The following SCARA3 variants were observed in gnomAD, a reference collection of about 807,000 sequenced individuals.
The protein encoded by SCARA3 is scavenger receptor class A member 3.
SCARA3 carries 39 observed loss-of-function variants against 47.0 expected under a neutral mutation model. The observed-to-expected ratio is 0.83, with a 90% confidence interval of 0.64 to 1.08. The LOEUF is 1.08. Ranked by LOEUF, SCARA3 falls within the 50% of genes least tolerant of loss-of-function variation. SCARA3 has a pLI of 0.00. For synonymous variants in SCARA3, 356 were observed against 334.1 expected, an observed-to-expected ratio of 1.07 and a Z score of -0.71; for missense variants, 724 against 792.3, an observed-to-expected ratio of 0.91 and a Z score of 1.04.
the SCARA3 span, among the ~76,000 whole-genome samples, chr8:27,714,767 G>C: frequency 1.3e-5 from 2 of 151,940 alleles, no homozygotes; most frequent in African/African-American, 2.4e-5. Context: ...CCAATGCTTG[G>C]AGCCAAGAAA....
Position 27,639,082 on chromosome 8 carries a change from A to G in SCARA3, c.7+4875A>G, listed in dbSNP as rs907169633. 2.6e-5 allele frequency among the ~76,000 whole-genome samples: 4 copies of G among 152,278 alleles called. No homozygotes were observed. The East Asian group carries it at 7.7e-4, about 29-fold the overall frequency. ...TCAGTGTCTCCAGGTGGAGACCTGC[A>G]GGCACCTTCTTCATGGTTCAGATGA... On this transcript the variant is annotated intron_variant, in intron 1 of 5. Transcript: ENST00000301904.
At chr8:27,650,959 A>G (rs1438794032) in intron 2 of SCARA3, among the ~76,000 whole-genome samples, 1 of 152,152 alleles carries the variant, frequency 6.6e-6, no homozygotes, top group Non-Finnish European at 1.5e-5. Flanking sequence ...TCCTGGGCTC[A>G]AGTGATCCCC....
At chr8:27,666,791 C>G (rs921289581) in intron 5 of SCARA3, among the ~76,000 whole-genome samples, 2 of 152,122 alleles carry the variant, frequency 1.3e-5, no homozygotes, top group African/African-American at 4.8e-5. Flanking sequence ...TGCTGATGCC[C>G]GAGACACTGG....
the SCARA3 span, among the ~76,000 whole-genome samples, chr8:27,683,563 G>A: frequency 6.6e-6 from 1 of 152,088 alleles, no homozygotes; most frequent in African/African-American, 2.4e-5. Context: ...AGTATGAAAT[G>A]GTAGAACCTC....
At chr8:27,680,082 C>A (rs1473775040), downstream of SCARA3, 5 of 151,658 alleles carry the variant, frequency 3.3e-5, no homozygotes, top group African/African-American at 1.2e-4. Flanking sequence ...GCAGATAAAG[C>A]AATGCTTAGG....
chr8:27,655,118 G>A (rs542001615), intron 3 of SCARA3, among the ~76,000 whole-genome samples: 30 of 152,308 alleles, frequency 2.0e-4, no homozygotes, highest in Admixed American at 1.2e-3. Flanking sequence ...ATATTAACTG[G>A]AGCCTGGAGA....
intron 5 of SCARA3, among the ~76,000 whole-genome samples, chr8:27,664,947 T>C (rs775935355): frequency 5.9e-5 from 9 of 152,230 alleles, no homozygotes; most frequent in Non-Finnish European, 1.2e-4. Context: ...TCTCTCACAA[T>C]TGAAAGCAAA....
the SCARA3 span, among the ~76,000 whole-genome samples, chr8:27,695,063 G>A: frequency 6.6e-6 from 1 of 152,154 alleles, no homozygotes; most frequent in East Asian, 1.9e-4. Flanking sequence ...AAATATAAGA[G>A]ATAAAGAAGC....
intron 1 of SCARA3, among the ~76,000 whole-genome samples, chr8:27,642,532 G>A (rs956264221): frequency 6.6e-6 from 1 of 152,142 alleles, no homozygotes; most frequent in African/African-American, 2.4e-5. Context: ...AAGAGAACTG[G>A]TGATTCCTGG....
chr8:27,679,174 T>C (rs1181004562), downstream of SCARA3, among the ~76,000 whole-genome samples: 1 of 150,824 alleles, frequency 6.6e-6, no homozygotes, highest in Non-Finnish European at 1.5e-5. Flanking sequence ...TTCTTCATAG[T>C]GTCACATTTA....
At chr8:27,653,861 T>C (rs905220160) in intron 3 of SCARA3, among the ~76,000 whole-genome samples, 1 of 152,220 alleles carries the variant, frequency 6.6e-6, no homozygotes, top group Non-Finnish European at 1.5e-5. Context: ...CATTTTTTTC[T>C]GTAAAAGGCT....
intron 1 of SCARA3, among the ~76,000 whole-genome samples, chr8:27,642,589 C>T (rs932974979): frequency 1.3e-5 from 2 of 152,060 alleles, no homozygotes; most frequent in African/African-American, 4.8e-5. Flanking sequence ...TTGGGAGACC[C>T]AGGGAGGAGG....
chr8:27,668,312 G>A (rs990576273), intron 5 of SCARA3, among the ~76,000 whole-genome samples: 1 of 150,492 alleles, frequency 6.6e-6, no homozygotes. Context: ...AGGCCGAGGC[G>A]GGTGGATCAT....
intron 2 of SCARA3, 37 bp downstream of exon 2, chr8:27,649,837 G>A: frequency 6.5e-7 from 1 of 1,533,090 alleles, no homozygotes; most frequent in Non-Finnish European, 9.0e-7. Flanking sequence ...CTCCGCTCTG[G>A]GCTGAGAGAT....
In SCARA3 at chr8:27,634,797, C is replaced by G. The variant is rs560712588; in HGVS notation, c.7+590C>G. ...CCCATGGGCCAGGACTGACCTCTCC[C>G]CAGGGTGGTGAGCCAGCAGCAGGGT... On this transcript the variant is annotated intron_variant, in intron 1 of 5. Transcript: ENST00000301904. 1.9e-4 allele frequency among the ~76,000 whole-genome samples: 28 copies of G among 151,338 alleles called. 1 individual carries two copies. The South Asian group carries it at 5.8e-3, about 31-fold the overall frequency.
the SCARA3 span, among the ~76,000 whole-genome samples, chr8:27,699,950 G>T: frequency 2.4e-4 from 36 of 152,224 alleles, no homozygotes; most frequent in African/African-American, 7.0e-4. Context: ...TGATTTCAAA[G>T]TCTTTTCAAC....
chr8:27,722,280 G>C, the SCARA3 span, among the ~76,000 whole-genome samples: 8 of 152,096 alleles, frequency 5.3e-5, no homozygotes, highest in Admixed American at 4.6e-4. Flanking sequence ...TGTGCAAATG[G>C]ACTAACTGTC....
the SCARA3 span, among the ~76,000 whole-genome samples, chr8:27,710,962 G>A: frequency 9.1e-6 from 1 of 110,186 alleles, no homozygotes; most frequent in Admixed American, 1.2e-4. Context: ...CCCTCTTGTT[G>A]CCCAGGCTGG....
intron 1 of SCARA3, among the ~76,000 whole-genome samples, chr8:27,638,822 T>C (rs956934594): frequency 1.3e-5 from 2 of 152,014 alleles, no homozygotes; most frequent in Middle Eastern, 3.2e-3. Flanking sequence ...CTTAAGGGAG[T>C]TCCCAGCGAG....
Sources: allele counts gnomAD v4.1 joint callset (sites outside exome capture counted in the v4.1 genomes callset), GRCh38; gene constraint gnomAD v4.1.1; transcripts MANE v1.5; gene names NCBI Gene and HGNC (gene_info 2026-07-23, HGNC 2026-07-21).